CFAP54: variants seen among roughly 807,000 people sequenced by gnomAD.
CFAP54 encodes cilia and flagella associated protein 54, also known as cilia- and flagella-associated protein 54.
Under a neutral mutation model 370.4 loss-of-function variants are expected in CFAP54, and 290 were observed. That is an observed-to-expected ratio of 0.78 (90% CI 0.71 to 0.86). The LOEUF (loss-of-function observed/expected upper bound fraction) is 0.86, where lower values mean the gene tolerates loss of function less well. Among genes scored for constraint, CFAP54 ranks in the 40% least tolerant of loss-of-function variants. CFAP54 has a pLI of 0.00. For synonymous variants in CFAP54, 1,206 were observed against 1,236.5 expected, an observed-to-expected ratio of 0.98 and a Z score of 0.52; for missense variants, 3,399 against 3,528.7, an observed-to-expected ratio of 0.96 and a Z score of 0.93.
intron 39 of CFAP54, among the ~76,000 whole-genome samples, chr12:96,668,746 A>G (rs1713653090): frequency 6.6e-6 from 1 of 152,212 alleles, no homozygotes; most frequent in African/African-American, 2.4e-5. Flanking sequence ...TACTTTCTCT[A>G]AATTGCATTT....
chr12:96,690,059 A>G (rs921746329), intron 43 of CFAP54, among the ~76,000 whole-genome samples: 1 of 152,198 alleles, frequency 6.6e-6, no homozygotes. Context: ...CGCATTCTTT[A>G]CTTTCTGATA....
intron 20 of CFAP54, among the ~76,000 whole-genome samples, chr12:96,578,860 CG>C (rs1253378557): frequency 6.6e-6 from 1 of 152,168 alleles, no homozygotes; most frequent in Non-Finnish European, 1.5e-5. Flanking sequence ...ATTTATATTA[CG>C]TATAAACTGT....
intron 66 of CFAP54, among the ~76,000 whole-genome samples, chr12:96,842,300 C>T (rs1959227134): frequency 1.3e-5 from 2 of 152,162 alleles, no homozygotes; most frequent in Non-Finnish European, 2.9e-5. Context: ...GTATCCTTTA[C>T]TCAGTTTCTT....
chr12:96,693,887 T>G, intron 45 of CFAP54, 79 bp downstream of exon 45: 1 of 870,684 alleles, frequency 1.1e-6, no homozygotes, highest in South Asian at 1.8e-5. Context: ...ATTCTAGGAC[T>G]TATAATAACA....
intron 12 of CFAP54, among the ~76,000 whole-genome samples, 162 bp downstream of exon 12, chr12:96,535,762 A>G (rs866368113): frequency 2.0e-5 from 3 of 152,276 alleles, no homozygotes; most frequent in Middle Eastern, 3.4e-3. Flanking sequence ...TTGTAGTTTT[A>G]AGTTTCTTTT....
At chr12:96,853,734 A>G (rs1448191018) in intron 66 of CFAP54, among the ~76,000 whole-genome samples, 1 of 152,100 alleles carries the variant, frequency 6.6e-6, no homozygotes, top group Non-Finnish European at 1.5e-5. Flanking sequence ...CGGTTCTGAC[A>G]TTTTAGGGTA....
intron 66 of CFAP54, among the ~76,000 whole-genome samples, chr12:96,848,905 A>G (rs1474202530): frequency 6.6e-6 from 1 of 152,190 alleles, no homozygotes; most frequent in Non-Finnish European, 1.5e-5. Flanking sequence ...TGAGAGTTGG[A>G]TGCTATTCCT....
At chr12:96,798,864 C>T (rs756869087) in intron 63 of CFAP54, among the ~76,000 whole-genome samples, 7 of 152,178 alleles carry the variant, frequency 4.6e-5, no homozygotes, top group Non-Finnish European at 1.0e-4. Context: ...AACAATATCT[C>T]CTTATAGATA....
chr12:96,754,815 C>T (rs1958233474), intron 56 of CFAP54, among the ~76,000 whole-genome samples: 1 of 151,840 alleles, frequency 6.6e-6, no homozygotes, highest in African/African-American at 2.4e-5. Context: ...ATGATCTTGG[C>T]TCACTGCAAC....
chr12:96,671,510 T>A (rs973361339), intron 39 of CFAP54, among the ~76,000 whole-genome samples: 2 of 152,254 alleles, frequency 1.3e-5, no homozygotes, highest in Non-Finnish European at 2.9e-5. Context: ...CAGTGTCTGA[T>A]ATATAGTAGG....
At chr12:96,734,833 A>G (rs1471724113) in intron 50 of CFAP54, among the ~76,000 whole-genome samples, 1 of 152,230 alleles carries the variant, frequency 6.6e-6, no homozygotes, top group East Asian at 1.9e-4. Flanking sequence ...TAATTTTTAT[A>G]AGTACAATAA....
At chr12:96,509,471 A>G (rs776156598) in intron 4 of CFAP54, among the ~76,000 whole-genome samples, 36 of 152,196 alleles carry the variant, frequency 2.4e-4, no homozygotes, top group Non-Finnish European at 4.9e-4. Flanking sequence ...ATTGACTGTT[A>G]TACATACACA....
chr12:96,683,430 G>T (rs1223106362), intron 40 of CFAP54, among the ~76,000 whole-genome samples: 2 of 152,178 alleles, frequency 1.3e-5, no homozygotes, highest in Non-Finnish European at 2.9e-5. Flanking sequence ...GTACTACAGT[G>T]GTTGCAATGT....
intron 26 of CFAP54, among the ~76,000 whole-genome samples, chr12:96,616,980 G>C (rs144971705): frequency 1.9e-3 from 283 of 152,296 alleles, no homozygotes; most frequent in African/African-American, 6.4e-3. Context: ...TGGAAAAAGT[G>C]GAGGTAGAGA....
chr12:96,597,655 T>TA (rs768992179), intron 25 of CFAP54, among the ~76,000 whole-genome samples: 1 of 151,644 alleles, frequency 6.6e-6, no homozygotes, highest in African/African-American at 2.4e-5. Flanking sequence ...CCTGTAGACT[T>TA]ACAGCATTTC....
rs969337545 is a variant in CFAP54 at position 96,521,857 on chromosome 12, G to A, written c.943G>A (p.Ala315Thr). 2.6e-6 allele frequency: 4 copies of A among 1,517,046 alleles called. No individual in the cohort carries two copies. In the Admixed American group the frequency reaches 7.9e-5, roughly 30 times the overall value. 94.0% of individuals were successfully genotyped at this position (1,517,046 alleles called of 1,614,324 possible). A position where few individuals can be genotyped will look rare whatever the true frequency, so the allele number is the denominator to read the frequency against. ...YDCHAGIHGEAFARRALAKID... is the reference protein window; with the variant it reads ...YDCHAGIHGETFARRALAKID... ...TTAAATTTATTTTAATCACATGTAG[G>A]CATTTGCTCGGCGTGCTTTGGCTAA... Residue 315 changes from alanine to threonine, a missense_variant and splice_region_variant, in exon 7 of 68, where the codon GCA becomes ACA. Around this residue, in one of 3 missense-constraint regions of CFAP54, gnomAD observed 559 missense variants for 576.7 expected, o/e 0.97. Transcript: ENST00000524981.
In CFAP54 at chr12:96,658,220, T is replaced by C; in HGVS notation, c.5334T>C (p.Tyr1778=). Residue 1778 remains tyrosine, a synonymous_variant, in exon 38 of 68, where the codon TAT becomes TAC. Coordinates refer to ENST00000524981, the MANE Select transcript of CFAP54 (RefSeq NM_001306084.2). The part of the protein sequence containing the change: ...IQFNTVSHER[Y]TEQVTPLLVY... ...CTTTACCCCTGTCTAGTGAGAGGTATACAGAACAAGTGACACCACTTCTGG... is the reference window on the plus strand; with the variant it reads ...CTTTACCCCTGTCTAGTGAGAGGTACACAGAACAAGTGACACCACTTCTGG... 3.7e-6 allele frequency: 6 copies of C among 1,614,042 alleles called. No individual in the cohort carries two copies. The highest frequency in any genetic ancestry group is 4.2e-6 in the Non-Finnish European group (5 of 1,179,980).
intron 55 of CFAP54, among the ~76,000 whole-genome samples, chr12:96,752,539 A>G (rs1214341561): frequency 6.6e-6 from 1 of 152,148 alleles, no homozygotes; most frequent in African/African-American, 2.4e-5. Flanking sequence ...TCAATTATCC[A>G]ATCAATTAAT....
intron 50 of CFAP54, among the ~76,000 whole-genome samples, chr12:96,729,488 G>A (rs1346625179): frequency 6.6e-6 from 1 of 152,226 alleles, no homozygotes; most frequent in Non-Finnish European, 1.5e-5. Context: ...GACCCTCCGA[G>A]CCAGGTGCGG....
Sources: allele counts gnomAD v4.1 joint callset (sites outside exome capture counted in the v4.1 genomes callset), GRCh38; gene constraint gnomAD v4.1.1; regional missense constraint gnomAD v4.1.1; transcripts MANE v1.5; gene names NCBI Gene and HGNC (gene_info 2026-07-23, HGNC 2026-07-21).